ARHGAP32: variants seen among roughly 807,000 people sequenced by gnomAD.
ARHGAP32 encodes the protein Rho GTPase activating protein 32.
In ARHGAP32, 51 loss-of-function variants were observed where a neutral mutation model predicts 186.5. The observed-to-expected ratio is 0.27, with a 90% CI of 0.22 to 0.35. ARHGAP32 has a LOEUF of 0.35. ARHGAP32 is among the 10% of genes least tolerant of loss of function. The pLI is 1.00. For synonymous variants in ARHGAP32, 950 were observed against 964.3 expected (o/e 0.99, Z 0.27); for missense variants, 2,186 against 2,623.5 (o/e 0.83, Z 3.64).
chr11:129,056,364 A>G (rs980027191), intron 10 of ARHGAP32, among the ~76,000 whole-genome samples: 10 of 152,060 alleles, frequency 6.6e-5, no homozygotes, highest in Admixed American at 2.0e-4. Flanking sequence ...CTCCTGCCTC[A>G]GCCTCCCAAG....
At chr11:129,162,375 T>TA (rs1282674368) in intron 2 of ARHGAP32, among the ~76,000 whole-genome samples, 7 of 152,166 alleles carry the variant, frequency 4.6e-5, no homozygotes, top group Admixed American at 4.6e-4. Flanking sequence ...AATAGTCACT[T>TA]AAAAAACAAG....
intron 6 of ARHGAP32, among the ~76,000 whole-genome samples, chr11:129,088,605 AG>A (rs1174955079): frequency 2.6e-5 from 4 of 152,170 alleles, no homozygotes; most frequent in African/African-American, 9.7e-5. Flanking sequence ...AATAAAATAG[AG>A]CCTTGATCAA....
At chr11:129,254,902 C>T (rs1288136978) in intron 1 of ARHGAP32, among the ~76,000 whole-genome samples, 1 of 152,098 alleles carries the variant, frequency 6.6e-6, no homozygotes, top group African/African-American at 2.4e-5. Context: ...TTTCTGTTCA[C>T]TCAATAAATC....
At chr11:129,053,201 T>C (rs1373575382) in intron 10 of ARHGAP32, among the ~76,000 whole-genome samples, 1 of 152,080 alleles carries the variant, frequency 6.6e-6, no homozygotes, top group East Asian at 1.9e-4. Context: ...AGCTATCAAG[T>C]AGGAAATTTA....
intron 11 of ARHGAP32, chr11:129,023,788 C>T: frequency 1.6e-6 from 1 of 632,262 alleles, no homozygotes; most frequent in Non-Finnish European, 2.0e-6. Context: ...ATAATCTAAA[C>T]ATAGTTTCAG....
intron 1 of ARHGAP32, among the ~76,000 whole-genome samples, chr11:129,257,498 G>T (rs901250663): frequency 6.6e-6 from 1 of 151,858 alleles, no homozygotes; most frequent in African/African-American, 2.4e-5. Context: ...CTACAGCCAG[G>T]CATGATGATG....
chr11:128,969,434 C>T lies in ARHGAP32; in HGVS notation c.5779G>A (p.Asp1927Asn). Residue 1927 changes from aspartate (D) to asparagine (N), a missense_variant, in exon 23 of 23, where the codon GAC becomes AAC. By Grantham distance (23) the Asp-to-Asn change is conservative (BLOSUM62 1). This residue lies in a region of ARHGAP32 where 1,502 missense variants were observed against 1,570.0 expected (regional missense o/e 0.96). Transcript: ENST00000682385. The surrounding 1 kb of genome is among the most constrained non-coding windows in gnomAD (Gnocchi z 4.8). ...QLDYGSKGIPDTSEPVSYHNS... is the reference protein window; with the variant it reads ...QLDYGSKGIPNTSEPVSYHNS... ...TGGTAGCTGACTGGCTCAGAAGTGT[C>T]TGGAATCCCTTTGGACCCATAATCT... 6.2e-7 allele frequency: 1 copy of T among 1,614,184 alleles called. No homozygotes were observed. Among genetic ancestry groups the T allele is most frequent in the Non-Finnish European group, 8.5e-7 (1 of 1,180,032 alleles).
intron 1 of ARHGAP32, among the ~76,000 whole-genome samples, chr11:129,220,100 C>T (rs1944693312): frequency 6.6e-6 from 1 of 152,138 alleles, no homozygotes; most frequent in African/African-American, 2.4e-5. Context: ...ATCAGACAGA[C>T]CAGATCACTT....
chr11:129,109,259 C>CTTACT (rs1419715445), intron 5 of ARHGAP32, among the ~76,000 whole-genome samples: 5 of 151,572 alleles, frequency 3.3e-5, no homozygotes, highest in African/African-American at 1.2e-4. Flanking sequence ...AAATAGTATT[C>CTTACT]GATTGCATAT....
Position 129,185,457 on chromosome 11 carries a change from TGAGGG to T in ARHGAP32, c.116+6621_116+6625del. 1.3e-5 allele frequency among the ~76,000 whole-genome samples: 2 copies of T among 151,700 alleles called. 1 individual carries two copies. The highest frequency in any genetic ancestry group is 1.3e-4 in the Admixed American group (2 of 15,204). On this transcript the variant is annotated intron_variant, in intron 1 of 22. Transcript: ENST00000682385. ...TCACACACCAGGGACTGTTGTGGGGTGAGGGGAGAGGAGAGGGATAGCATTAGGAG... is the reference window on the plus strand; with the variant it reads ...TCACACACCAGGGACTGTTGTGGGGTGAGAGGAGAGGGATAGCATTAGGAG...
At chr11:129,055,925 T>C (rs1013830438) in intron 10 of ARHGAP32, among the ~76,000 whole-genome samples, 2 of 152,234 alleles carry the variant, frequency 1.3e-5, no homozygotes, top group Admixed American at 6.5e-5. Context: ...CTTTAGTTAA[T>C]AATAGTATAT....
At chr11:128,993,372 T>C (rs1294531644) in intron 12 of ARHGAP32, 1 of 152,090 alleles carries the variant, frequency 6.6e-6, no homozygotes, top group Non-Finnish European at 1.5e-5. Flanking sequence ...AGCTTCCTTC[T>C]CAGAAAAATC....
At chr11:129,153,264 G>A (rs1943329196) in intron 2 of ARHGAP32, among the ~76,000 whole-genome samples, 3 of 152,102 alleles carry the variant, frequency 2.0e-5, no homozygotes, top group Admixed American at 1.3e-4. Context: ...CACATCCCAT[G>A]TTCGTGGATG....
intron 10 of ARHGAP32, among the ~76,000 whole-genome samples, chr11:129,046,933 G>A (rs1424559163): frequency 2.6e-5 from 4 of 151,962 alleles, no homozygotes; most frequent in Admixed American, 2.6e-4. Flanking sequence ...GACCATCCTG[G>A]CTAAAATGGT....
intron 12 of ARHGAP32, 42 bp downstream of exon 12, chr11:128,998,277 G>A (rs781274541): frequency 6.8e-7 from 1 of 1,462,902 alleles, no homozygotes; most frequent in Non-Finnish European, 9.1e-7. Context: ...AATATGGAGA[G>A]GTCAGAAACT....
At chr11:129,238,684 C>T (rs1011588885) in intron 1 of ARHGAP32, among the ~76,000 whole-genome samples, 2 of 151,638 alleles carry the variant, frequency 1.3e-5, no homozygotes, top group Admixed American at 6.6e-5. Context: ...TCCAGGGCAG[C>T]CTGGTTAAGA....
chr11:129,041,913 A>T (rs1214037230), intron 10 of ARHGAP32, among the ~76,000 whole-genome samples: 1 of 152,214 alleles, frequency 6.6e-6, no homozygotes, highest in Admixed American at 6.5e-5. Flanking sequence ...AAGCTCCATC[A>T]CTTTGTGTAT....
At chr11:129,193,680 TAA>T (rs1944341679), upstream of ARHGAP32, among the ~76,000 whole-genome samples, 4 of 47,378 alleles carry the variant, frequency 8.4e-5, no homozygotes, top group Non-Finnish European at 1.2e-4. Context: ...ATATAATATA[TAA>T]TATATATTAT....
At chr11:129,277,903 A>G (rs1945552127) in intron 1 of ARHGAP32, among the ~76,000 whole-genome samples, 1 of 152,222 alleles carries the variant, frequency 6.6e-6, no homozygotes, top group South Asian at 2.1e-4. Flanking sequence ...CCAAGGAACA[A>G]ATATCGATTC....
Sources: gnomAD v4.1 joint callset for allele counts (sites outside exome capture counted in the v4.1 genomes callset) on GRCh38, gnomAD v4.1.1 for gene constraint, gnomAD v4.1.1 regional missense constraint, Gnocchi (gnomAD v3.1) non-coding constraint, MANE v1.5 for transcripts, NCBI Gene and HGNC (gene_info 2026-07-23, HGNC 2026-07-21) for gene names.